Variants in EFCAB11 observed in about 807,000 individuals in gnomAD.
EFCAB11 encodes EF-hand calcium-binding domain-containing protein 11.
A neutral mutation model predicts 23.0 loss-of-function variants in EFCAB11; 14 were observed. The observed-to-expected ratio is 0.61, with a 90% CI of 0.40 to 0.95. EFCAB11 has a LOEUF of 0.95. Among genes scored for constraint, EFCAB11 ranks in the 40% least tolerant of loss-of-function variants. The pLI is 0.00. For synonymous variants in EFCAB11, 65 were observed against 66.6 expected, an observed-to-expected ratio of 0.98 and a Z score of 0.11; for missense variants, 198 against 195.8, an observed-to-expected ratio of 1.01 and a Z score of -0.07.
chr14:89,945,726 T>A (rs1370135855), intron 3 of EFCAB11, among the ~76,000 whole-genome samples: 1 of 152,144 alleles, frequency 6.6e-6, no homozygotes, highest in Non-Finnish European at 1.5e-5. Flanking sequence ...TTCTATAGAT[T>A]ACAATTAGGT....
chr14:89,893,588 C>G (rs1889055642), intron 5 of EFCAB11, among the ~76,000 whole-genome samples: 1 of 152,068 alleles, frequency 6.6e-6, no homozygotes, highest in African/African-American at 2.4e-5. Context: ...AAAGGCCTTT[C>G]CCTCTTGCCC....
At chr14:89,936,408 T>C (rs1411700511) in intron 3 of EFCAB11, among the ~76,000 whole-genome samples, 1 of 152,234 alleles carries the variant, frequency 6.6e-6, no homozygotes, top group East Asian at 1.9e-4. Context: ...CTTTAGCTTT[T>C]ACTAGGAGAA....
At chr14:89,834,279 G>C (rs1326400607) in intron 5 of EFCAB11, among the ~76,000 whole-genome samples, 1 of 149,450 alleles carries the variant, frequency 6.7e-6, no homozygotes, top group Non-Finnish European at 1.5e-5. Context: ...AGGAGGCTGA[G>C]GCAGGTGAAT....
intron 5 of EFCAB11, chr14:89,836,978 T>A (rs1444835465): frequency 2.2e-6 from 1 of 453,822 alleles, no homozygotes; most frequent in East Asian, 7.0e-5. Flanking sequence ...GCCAAGACTG[T>A]GCGACTGTAC....
At chr14:89,893,709 T>C (rs151239303) in intron 5 of EFCAB11, among the ~76,000 whole-genome samples, 504 of 150,542 alleles carry the variant, frequency 3.3e-3, no homozygotes, top group African/African-American at 0.012. Context: ...CAATCCTGCT[T>C]CCTTTTCTTC....
chr14:89,904,638 T>C (rs1303739723), intron 5 of EFCAB11, among the ~76,000 whole-genome samples: 1 of 152,192 alleles, frequency 6.6e-6, no homozygotes, highest in Non-Finnish European at 1.5e-5. Context: ...CCAGCATCTG[T>C]TGTTTCCTGA....
intron 5 of EFCAB11, among the ~76,000 whole-genome samples, chr14:89,835,493 C>T (rs8009927): frequency 0.023 from 3,519 of 151,944 alleles, 147 homozygotes; most frequent in African/African-American, 0.081. Flanking sequence ...CACATGAGGT[C>T]AGGTGTGGAA....
intron 5 of EFCAB11, among the ~76,000 whole-genome samples, chr14:89,856,946 G>A (rs1887772908): frequency 6.6e-6 from 1 of 152,146 alleles, no homozygotes; most frequent in Admixed American, 6.5e-5. Flanking sequence ...TTCATTCTGG[G>A]CAAAGACAGA....
At chr14:89,949,658 A>C (rs940388856) in intron 3 of EFCAB11, among the ~76,000 whole-genome samples, 4 of 152,116 alleles carry the variant, frequency 2.6e-5, no homozygotes, top group African/African-American at 9.7e-5. Flanking sequence ...GAGCCACTGC[A>C]CCCAGCCTAG....
At chr14:89,835,345 G>C (rs1473956039) in intron 5 of EFCAB11, among the ~76,000 whole-genome samples, 4 of 152,148 alleles carry the variant, frequency 2.6e-5, no homozygotes, top group Non-Finnish European at 5.9e-5. Flanking sequence ...TATACGTAAT[G>C]AGATATCTTG....
chr14:89,912,892 T>C (rs372253609), intron 5 of EFCAB11, among the ~76,000 whole-genome samples: 4 of 152,242 alleles, frequency 2.6e-5, no homozygotes, highest in East Asian at 1.9e-4. Context: ...AGTACACGTC[T>C]ATAAATCAAA....
intron 5 of EFCAB11, among the ~76,000 whole-genome samples, chr14:89,903,890 G>A (rs1384375412): frequency 6.6e-6 from 1 of 152,066 alleles, no homozygotes; most frequent in African/African-American, 2.4e-5. Context: ...AAAAGGCATG[G>A]CATCAGATGG....
rs368747951 is a variant in EFCAB11 at position 89,925,786 on chromosome 14, C to T, written c.410+5755G>A. Among the ~76,000 whole-genome samples, 437 of 152,048 alleles carry T rather than the reference C, an allele frequency of 2.9e-3. 1 individual carries two copies. The highest frequency in any genetic ancestry group is 0.013 in the South Asian group (61 of 4,814). On this transcript the variant is annotated intron_variant, in intron 5 of 5. Coordinates refer to ENST00000316738, the MANE Select transcript of EFCAB11 (RefSeq NM_145231.4). Reference sequence around the variant, plus strand: ...TCAGCCTCCTGGGTAGCTGGGTCTACAGGCACGTGCCACCACACCCAGCTA... The same window carrying T: ...TCAGCCTCCTGGGTAGCTGGGTCTATAGGCACGTGCCACCACACCCAGCTA...
At chr14:89,924,290 C>G in intron 5 of EFCAB11, 1 of 1,024,202 alleles carries the variant, frequency 9.8e-7, no homozygotes, top group Non-Finnish European at 1.2e-6. Context: ...CAGGATATAA[C>G]TTTAAACGTC....
At chr14:89,895,835 A>C (rs946073077) in intron 5 of EFCAB11, among the ~76,000 whole-genome samples, 2 of 152,234 alleles carry the variant, frequency 1.3e-5, no homozygotes, top group Admixed American at 1.3e-4. Flanking sequence ...AAGTCACTTG[A>C]AGAAAGTGAA....
chr14:89,898,666 C>CTTTT (rs36098790), intron 5 of EFCAB11, among the ~76,000 whole-genome samples: 3 of 121,054 alleles, frequency 2.5e-5, no homozygotes, highest in Non-Finnish European at 3.4e-5. Context: ...CGCCTGGCCT[C>CTTTT]TTTTTTTTTT....
intron 5 of EFCAB11, among the ~76,000 whole-genome samples, chr14:89,925,116 C>A (rs1259875908): frequency 6.6e-6 from 1 of 152,114 alleles, no homozygotes; most frequent in South Asian, 2.1e-4. Context: ...TTGAGGAGGA[C>A]CTTTAAAGAT....
At chr14:89,912,730 A>G (rs1889718898) in intron 5 of EFCAB11, among the ~76,000 whole-genome samples, 1 of 152,208 alleles carries the variant, frequency 6.6e-6, no homozygotes, top group Non-Finnish European at 1.5e-5. Flanking sequence ...GTAATGATGA[A>G]AGAATGCTAG....
intron 5 of EFCAB11, among the ~76,000 whole-genome samples, chr14:89,929,065 T>C (rs1046201455): frequency 9.2e-6 from 1 of 109,014 alleles, no homozygotes; most frequent in Non-Finnish European, 1.9e-5. Context: ...ATATTTTTTT[T>C]TAGGAGGGTC....
Sources: gnomAD v4.1 joint callset for allele counts (sites outside exome capture counted in the v4.1 genomes callset) on GRCh38, gnomAD v4.1.1 for gene constraint, MANE v1.5 for transcripts, NCBI Gene and HGNC (gene_info 2026-07-23, HGNC 2026-07-21) for gene names.